Variants in ZNF804B observed in about 807,000 individuals in gnomAD.
The protein encoded by ZNF804B is zinc finger 804B.
Under a neutral mutation model 101.4 loss-of-function variants are expected in ZNF804B, and 80 were observed. The ratio of observed to expected loss-of-function variants is 0.79; its 90% confidence interval spans 0.66 to 0.95. The LOEUF (loss-of-function observed/expected upper bound fraction) is 0.95, where lower values mean the gene tolerates loss of function less well. Among genes scored for constraint, ZNF804B ranks in the 40% least tolerant of loss-of-function variants. The pLI is 0.00. For missense variants in ZNF804B, 1,673 were observed against 1,561.9 expected, an observed-to-expected ratio of 1.07 and a Z score of -1.20; for synonymous variants, 622 against 558.8, an observed-to-expected ratio of 1.11 and a Z score of -1.59.
intron 1 of ZNF804B, among the ~76,000 whole-genome samples, chr7:89,096,229 T>C (rs944303202): frequency 6.6e-6 from 1 of 151,620 alleles, no homozygotes; most frequent in African/African-American, 2.4e-5. Context: ...ACTAGACAAG[T>C]TAATGTTAAA....
intron 1 of ZNF804B, among the ~76,000 whole-genome samples, chr7:88,872,830 T>G (rs1311012772): frequency 6.7e-6 from 1 of 148,262 alleles, no homozygotes. Flanking sequence ...TAGTATTCCA[T>G]GGTGTATATG....
intron 1 of ZNF804B, among the ~76,000 whole-genome samples, chr7:89,176,459 G>T (rs1052343078): frequency 4.6e-5 from 7 of 151,700 alleles, no homozygotes; most frequent in Non-Finnish European, 8.8e-5. Flanking sequence ...TGGTCATGAT[G>T]AATGATCTTT....
chr7:88,935,750 T>G (rs1792958020), intron 1 of ZNF804B, among the ~76,000 whole-genome samples: 1 of 152,012 alleles, frequency 6.6e-6, no homozygotes, highest in African/African-American at 2.4e-5. Flanking sequence ...ATTTGCTTAG[T>G]AGGTGCCATA....
intron 1 of ZNF804B, among the ~76,000 whole-genome samples, chr7:89,086,250 G>A (rs1789798815): frequency 1.3e-5 from 2 of 152,058 alleles, no homozygotes; most frequent in African/African-American, 4.8e-5. Flanking sequence ...GGGGATAACA[G>A]AAAAGTAAAC....
chr7:89,222,183 A>T (rs968198718), intron 2 of ZNF804B, among the ~76,000 whole-genome samples: 4 of 151,942 alleles, frequency 2.6e-5, no homozygotes, highest in Non-Finnish European at 5.9e-5. Context: ...TGAAGAAGCA[A>T]ATGATTCACT....
intron 1 of ZNF804B, among the ~76,000 whole-genome samples, chr7:88,898,767 G>T (rs770998485): frequency 8.5e-5 from 13 of 152,134 alleles, no homozygotes; most frequent in Non-Finnish European, 7.3e-5. Flanking sequence ...CTGAAGAGAG[G>T]CCTGGTGCTT....
At chr7:89,109,683 C>G (rs532684509) in intron 1 of ZNF804B, among the ~76,000 whole-genome samples, 1 of 152,256 alleles carries the variant, frequency 6.6e-6, no homozygotes, top group South Asian at 2.1e-4. Context: ...ACTCAAATGC[C>G]TAATTAATCT....
intron 1 of ZNF804B, among the ~76,000 whole-genome samples, chr7:88,855,044 G>C (rs1231392619): frequency 2.5e-4 from 38 of 152,132 alleles, no homozygotes; most frequent in Admixed American, 5.2e-4. Flanking sequence ...TTGCTATTGT[G>C]AATAGTGCCA....
chr7:89,167,623 G>A (rs1368816712), intron 1 of ZNF804B, among the ~76,000 whole-genome samples: 3 of 152,024 alleles, frequency 2.0e-5, no homozygotes, highest in Non-Finnish European at 2.9e-5. Flanking sequence ...GAACAATTGG[G>A]AAAATAGTTT....
chr7:88,941,575 G>C (rs1321873431), intron 1 of ZNF804B, among the ~76,000 whole-genome samples: 1 of 151,946 alleles, frequency 6.6e-6, no homozygotes, highest in Non-Finnish European at 1.5e-5. Context: ...TATGGAGACA[G>C]TAAAAAAGAT....
chr7:89,280,970 A>G (rs1175568432), intron 2 of ZNF804B, among the ~76,000 whole-genome samples: 1 of 152,120 alleles, frequency 6.6e-6, no homozygotes, highest in Non-Finnish European at 1.5e-5. Flanking sequence ...TCTTTGTTCT[A>G]CCATCAGTGT....
At position 89,333,820 on chromosome 7, in the gene ZNF804B, G is replaced by T; in HGVS notation, c.838G>T (p.Glu280Ter). ...AGATACACACCTTACCAAGGAAAAA[G>T]AGGTAAATATCTCACCAAGCCATCT... ...NKDTHLTKEK[E>*]VNISPSHLES... Residue 280 changes from glutamate (E) to a stop codon, truncating the protein, a stop_gained, in exon 4 of 4, where the codon GAG becomes TAG. Transcript: ENST00000333190. LOFTEE classifies it high-confidence loss of function. 1.2e-6 allele frequency: 2 copies of T among 1,612,752 alleles called. No homozygotes were observed. Among genetic ancestry groups the T allele is most frequent in the Non-Finnish European group, 1.7e-6 (2 of 1,179,394 alleles).
chr7:89,157,293 A>G lies in ZNF804B; in HGVS notation c.109-60862A>G, dbSNP rs1028051738. Among the ~76,000 whole-genome samples, 22 of 152,194 alleles carry G rather than the reference A, an allele frequency of 1.4e-4. 1 individual carries two copies. The highest frequency in any genetic ancestry group is 2.4e-5 in the African/African-American group (1 of 41,450). ...TTAACACATCCTATTTAACAAAAGA[A>G]AATGTCAAGGTCTCCTAAGCTAATT... On this transcript the variant is annotated intron_variant, in intron 1 of 3. Transcript: ENST00000333190.
intron 2 of ZNF804B, among the ~76,000 whole-genome samples, chr7:89,307,617 A>C (rs1485746521): frequency 6.6e-6 from 1 of 152,068 alleles, no homozygotes; most frequent in East Asian, 1.9e-4. Context: ...ACAGTATATA[A>C]AATCTTATTT....
rs141094103 is a variant in ZNF804B, at chr7:89,335,491, A to G, written c.2509A>G (p.Thr837Ala). Reference protein sequence around the residue: ...YCDSNSQISCTGSSKKPPNCQ... With the variant: ...YCDSNSQISCAGSSKKPPNCQ... ...TGATTCTAACTCACAGATTTCCTGT[A>G]CTGGAAGCAGTAAAAAACCACCTAA... Residue 837 changes from threonine to alanine, a missense_variant, in exon 4 of 4, where the codon ACT becomes GCT. Thr to Ala is a moderately conservative substitution (Grantham distance 58). Transcript: ENST00000333190. The G allele has an allele frequency of 2.5e-6, 4 of 1,613,922 alleles. No homozygotes were observed. Among genetic ancestry groups the G allele is most frequent in the African/African-American group, 2.7e-5 (2 of 74,926 alleles).
intron 2 of ZNF804B, among the ~76,000 whole-genome samples, chr7:89,255,828 A>G (rs1789622761): frequency 6.6e-6 from 1 of 152,192 alleles, no homozygotes; most frequent in Admixed American, 6.5e-5. Flanking sequence ...TCAGAGAACT[A>G]GTATTCAGAC....
chr7:88,877,513 G>T (rs532744241), intron 1 of ZNF804B, among the ~76,000 whole-genome samples: 101 of 152,178 alleles, frequency 6.6e-4, no homozygotes, highest in Non-Finnish European at 1.2e-3. Context: ...GATATTAAGG[G>T]AGTGTGAACC....
intron 1 of ZNF804B, among the ~76,000 whole-genome samples, chr7:88,878,159 T>G (rs886491640): frequency 2.0e-5 from 3 of 152,172 alleles, no homozygotes; most frequent in Non-Finnish European, 4.4e-5. Context: ...TCATTTGAAC[T>G]TAAAATTCTT....
chr7:88,788,833 C>A (rs1376346590), intron 1 of ZNF804B, among the ~76,000 whole-genome samples: 1 of 151,986 alleles, frequency 6.6e-6, no homozygotes, highest in Non-Finnish European at 1.5e-5. Flanking sequence ...GAGAAGAATG[C>A]CTTGACAACA....
Sources: gnomAD v4.1 joint callset for allele counts (sites outside exome capture counted in the v4.1 genomes callset) on GRCh38, gnomAD v4.1.1 for gene constraint, MANE v1.5 for transcripts, NCBI Gene and HGNC (gene_info 2026-07-23, HGNC 2026-07-21) for gene names.